The following PKHD1L1 variants were observed in gnomAD, a reference collection of about 807,000 sequenced individuals.
The protein encoded by PKHD1L1 is fibrocystin-L.
A neutral mutation model predicts 462.9 loss-of-function variants in PKHD1L1; 434 were observed. The observed-to-expected ratio is 0.94, with a 90% CI of 0.87 to 1.02. The LOEUF (loss-of-function observed/expected upper bound fraction) is 1.02, where lower values mean the gene tolerates loss of function less well. Among genes scored for constraint, PKHD1L1 ranks in the 50% least tolerant of loss-of-function variants. The probability of loss-of-function intolerance (pLI) is 0.00; values close to 1 mark genes in which losing one functional copy is unlikely to be tolerated. For missense variants in PKHD1L1, 5,202 were observed against 5,096.1 expected, an observed-to-expected ratio of 1.02 and a Z score of -0.63; for synonymous variants, 1,781 against 1,750.0, an observed-to-expected ratio of 1.02 and a Z score of -0.44.
intron 49 of PKHD1L1, 29 bp from the exon 50 acceptor site, chr8:109,466,549 A>G (rs1454713649): frequency 1.3e-6 from 2 of 1,533,644 alleles, no homozygotes; most frequent in African/African-American, 1.4e-5. Flanking sequence ...TGTGAAATAA[A>G]AAACATATTT....
At chr8:109,457,750 A>G (rs1421357410) in intron 46 of PKHD1L1, among the ~76,000 whole-genome samples, 1 of 152,184 alleles carries the variant, frequency 6.6e-6, no homozygotes, top group African/African-American at 2.4e-5. Flanking sequence ...GTGTTGTTAT[A>G]TTACAACAAA....
rs147594868 is a variant in PKHD1L1, at chr8:109,530,878, C to G, written c.*788C>G. On this transcript the variant is annotated 3_prime_UTR_variant, in exon 78 of 78. Coordinates refer to ENST00000378402, the MANE Select transcript of PKHD1L1 (RefSeq NM_177531.6). ...CTGGTGGATGCTTATTCACTGTTTA[C>G]TGGATGAATGAAGTATAAAGTGTGG... Among the ~76,000 whole-genome samples, 4 of 152,196 alleles carry G rather than the reference C, an allele frequency of 2.6e-5. No homozygotes were observed. The highest frequency in any genetic ancestry group is 5.9e-5 in the Non-Finnish European group (4 of 67,996).
At position 109,475,125 on chromosome 8, in the gene PKHD1L1, C is replaced by T. The variant is rs373132857; in HGVS notation, c.8613C>T (p.Ser2871=). Residue 2871 remains serine (S), a synonymous_variant, in exon 51 of 78, where the codon AGC becomes AGT. Transcript: ENST00000378402. The part of the protein sequence containing the change: ...DVVLSDSFGT[S]IIPFQKKRLT... ...TTCTATGTTCTCCTATAGGCACAAG[C>T]ATTATTCCATTTCAGAAGAAACGAC... 2 of 1,608,198 alleles carry T rather than the reference C, an allele frequency of 1.2e-6. No homozygotes were observed. The highest frequency in any genetic ancestry group is 1.7e-5 in the Admixed American group (1 of 59,324).
At chr8:109,437,008 C>G (rs201993348) in intron 30 of PKHD1L1, among the ~76,000 whole-genome samples, 1 of 152,160 alleles carries the variant, frequency 6.6e-6, no homozygotes, top group Admixed American at 6.5e-5. Context: ...CTCTGCCTCC[C>G]GGGTTCAAGC....
In PKHD1L1 at chr8:109,370,903, TATC is replaced by T. The variant is rs1314789507; in HGVS notation, c.163+6270_163+6272del. On this transcript the variant is annotated intron_variant, in intron 2 of 77. Transcript: ENST00000378402. ...TGTGCCACATTTTCTTAATCCAGTC[TATC>T]ATTGTTGGACATTTGGGTTGGTTCC... Among the ~76,000 whole-genome samples the T allele has an allele frequency of 9.9e-5, 15 of 152,218 alleles. 1 individual carries two copies. The highest frequency in any genetic ancestry group is 4.4e-5 in the Non-Finnish European group (3 of 68,042).
Position 109,438,409 on chromosome 8 carries a change from A to G in PKHD1L1, c.3713A>G (p.Gln1238Arg). The G allele has an allele frequency of 6.5e-7, 1 of 1,539,772 alleles. No individual in the cohort carries two copies. Among genetic ancestry groups the G allele is most frequent in the Non-Finnish European group, 8.8e-7 (1 of 1,138,794 alleles). ...ARDAFSYNCL[Q>R]TPIITDFSPK... ...GATGCTTTTAGTTATAATTGTTTAC[A>G]GACACCAATTATAACTGATTTTAGT... The change falls in exon 31 of 78, where the codon CAG becomes CGG. Residue 1238 changes from glutamine (Q) to arginine (R), a missense_variant. This residue lies in a region of PKHD1L1 where 4,497 missense variants were observed against 4,336.8 expected (regional missense o/e 1.04). Transcript: ENST00000378402.
At position 109,420,613 on chromosome 8, in the gene PKHD1L1, A is replaced by G. The variant is rs200497063; in HGVS notation, c.2620A>G (p.Thr874Ala). The change falls in exon 23 of 78, where the codon ACA becomes GCA. Residue 874 changes from threonine to alanine, a missense_variant. Coordinates refer to ENST00000378402, the MANE Select transcript of PKHD1L1 (RefSeq NM_177531.6). ...GACCAAAACAAATGGGCCAACTATG[A>G]CAAACCAATATTCTGTTACCATGAC... ...NQTKTNGPTM[T>A]NQYSVTMTSY... The G allele has an allele frequency of 1.0e-4, 163 of 1,610,424 alleles. 1 individual carries two copies. The African/African-American group carries it at 2.1e-3, about 21-fold the overall frequency.
intron 32 of PKHD1L1, among the ~76,000 whole-genome samples, chr8:109,440,272 G>A (rs1166655052): frequency 1.3e-5 from 2 of 152,038 alleles, no homozygotes; most frequent in African/African-American, 2.4e-5. Context: ...TTCAACAAAC[G>A]TGGAATAATA....
intron 2 of PKHD1L1, among the ~76,000 whole-genome samples, chr8:109,373,383 A>G (rs998929641): frequency 4.7e-5 from 7 of 150,132 alleles, no homozygotes; most frequent in African/African-American, 1.7e-4. Flanking sequence ...TGTCTATTTG[A>G]TTCTTCTCTC....
chr8:109,400,266 T>C lies in PKHD1L1; in HGVS notation c.1203T>C (p.Ser401=), dbSNP rs749171923. Residue 401 remains serine (S), a synonymous_variant, in exon 13 of 78, where the codon TCT becomes TCC. Coordinates refer to ENST00000378402, the MANE Select transcript of PKHD1L1 (RefSeq NM_177531.6). ...RFSGFLVAPD[S]DVYRFYIKGD... ...GTGGATTTTTGGTGGCTCCAGATTC[T>C]GATGTTTATAGATTCTACATCAAGG... The C allele has an allele frequency of 6.2e-7, 1 of 1,613,708 alleles. No homozygotes were observed.
chr8:109,464,626 C>A lies in PKHD1L1; in HGVS notation c.7794C>A (p.Asp2598Glu). ...MNNHPDGPSY[D>E]RNICQKRVPL... is the part of the protein sequence containing the mutation. The stretch of plus-strand genomic sequence containing the variant: ...ACCACCCTGATGGGCCATCCTATGA[C>A]AGAAACATTTGTCAAAAAAGAGTTC... Residue 2598 changes from aspartate to glutamate, a missense_variant, in exon 49 of 78, where the codon GAC (aspartate) becomes GAA (glutamate). This residue lies in a region of PKHD1L1 where 4,497 missense variants were observed against 4,336.8 expected (regional missense o/e 1.04). Coordinates refer to ENST00000378402, the MANE Select transcript of PKHD1L1 (RefSeq NM_177531.6). The A allele has an allele frequency of 6.2e-7, 1 of 1,612,554 alleles. No homozygotes were observed. Among genetic ancestry groups the A allele is most frequent in the Non-Finnish European group, 8.5e-7 (1 of 1,179,786 alleles).
At chr8:109,447,989 ATGTAT>A (rs1230289332) in intron 38 of PKHD1L1, among the ~76,000 whole-genome samples, 149 bp from the exon 39 acceptor site, 2 of 152,186 alleles carry the variant, frequency 1.3e-5, no homozygotes, top group East Asian at 1.9e-4. Flanking sequence ...TGTAGTCAAA[ATGTAT>A]TGTATGACAT....
intron 56 of PKHD1L1, 90 bp downstream of exon 56, chr8:109,481,652 G>C: frequency 8.6e-7 from 1 of 1,162,958 alleles, no homozygotes; most frequent in Non-Finnish European, 1.1e-6. Context: ...AGTTCATAAT[G>C]ATAAATACTT....
chr8:109,364,646 C>CTTTTT lies in PKHD1L1; in HGVS notation c.163+24_163+28dup, dbSNP rs60902563. On this transcript the variant is annotated intron_variant, in intron 2 of 77. Coordinates refer to ENST00000378402, the MANE Select transcript of PKHD1L1 (RefSeq NM_177531.6). The stretch of plus-strand genomic sequence containing the variant: ...ACTATAAGAGGGGAAGGTATCGTTG[C>CTTTTT]TTTTTTTTTTTTTTTTTTGCCAAGG... 7.9e-4 allele frequency: 813 copies of CTTTTT among 1,029,938 alleles called. No homozygotes were observed. Among genetic ancestry groups the CTTTTT allele is most frequent in the African/African-American group, 3.3e-3 (158 of 48,584 alleles). The allele number at this position is 1,029,938 out of a possible 1,614,324, so 63.8% of individuals were successfully genotyped here.
intron 71 of PKHD1L1, among the ~76,000 whole-genome samples, chr8:109,513,003 T>TA (rs2130996463): frequency 6.6e-6 from 1 of 152,078 alleles, no homozygotes; most frequent in African/African-American, 2.4e-5. Flanking sequence ...TGTTTGTCTG[T>TA]TATTGGTGTA....
chr8:109,383,977 T>G (rs1383026765), intron 4 of PKHD1L1, 93 bp from the exon 5 acceptor site: 2 of 839,802 alleles, frequency 2.4e-6, no homozygotes, highest in African/African-American at 3.4e-5. Context: ...TTATGAATAT[T>G]GTTGAAATTT....
chr8:109,440,804 AG>A lies in PKHD1L1; in HGVS notation c.4055del (p.Gly1352ValfsTer15), dbSNP rs777727949. The A allele has an allele frequency of 5.0e-6, 8 of 1,612,968 alleles. No individual in the cohort carries two copies. The African/African-American group carries it at 1.1e-4, about 22-fold the overall frequency. ...GTTTGGTGGAACTGAAATCACCATA[AG>A]GGGTTTTGGATTCAGCACAATACCA... ...SLFGGTEITI[R>X]GFGFSTIPAE... On this transcript the variant is annotated frameshift_variant, in exon 33 of 78. Coordinates refer to ENST00000378402, the MANE Select transcript of PKHD1L1 (RefSeq NM_177531.6). LOFTEE classifies it high-confidence loss of function.
Position 109,441,342 on chromosome 8 carries a change from G to A in PKHD1L1, c.4167G>A (p.Gly1389=). 6.3e-7 allele frequency: 1 copy of A among 1,584,678 alleles called. No homozygotes were observed. ...NVIKCILHST[G]NIFRITNNGK... is the part of the protein sequence containing the mutation. ...TAAAATGTATTCTTCATTCAACTGG[G>A]AATATATTCAGGATTACCAACAATG... The change falls in exon 34 of 78, where the codon GGG becomes GGA. Residue 1389 remains glycine (G), a synonymous_variant. Coordinates refer to ENST00000378402, the MANE Select transcript of PKHD1L1 (RefSeq NM_177531.6).
rs55680302 is a variant in PKHD1L1, at chr8:109,389,499, AGTGTGTGTGTGTGTGTGT to A, written c.697+378_697+395del. Among the ~76,000 whole-genome samples the A allele has an allele frequency of 4.8e-4, 68 of 140,874 alleles. 1 individual carries two copies. Among genetic ancestry groups the A allele is most frequent in the East Asian group, 4.1e-3 (19 of 4,654 alleles). 92.4% of individuals were successfully genotyped at this position (140,874 alleles called of 152,430 possible). On this transcript the variant is annotated intron_variant, in intron 8 of 77. Coordinates refer to ENST00000378402, the MANE Select transcript of PKHD1L1 (RefSeq NM_177531.6). ...CCTCCAGACACATAGATCTTTTAAGAGTGTGTGTGTGTGTGTGTGTGTGTGTGTGTGTGTGTGTGTGTG... is the reference window on the plus strand; with the variant it reads ...CCTCCAGACACATAGATCTTTTAAGAGTGTGTGTGTGTGTGTGTGTGTGTG...
Sources: gnomAD v4.1 joint callset for allele counts (sites outside exome capture counted in the v4.1 genomes callset) on GRCh38, gnomAD v4.1.1 for gene constraint, gnomAD v4.1.1 regional missense constraint, MANE v1.5 for transcripts, NCBI Gene and HGNC (gene_info 2026-07-23, HGNC 2026-07-21) for gene names.